UNC13C: variants seen among roughly 807,000 people sequenced by gnomAD.
UNC13C encodes unc-13 homolog C.
A neutral mutation model predicts 245.4 loss-of-function variants in UNC13C; 174 were observed. The observed-to-expected ratio is 0.71, with a 90% CI of 0.63 to 0.80. The LOEUF (loss-of-function observed/expected upper bound fraction) is 0.80. UNC13C is among the 30% of genes least tolerant of loss of function. The pLI, the probability that UNC13C is intolerant of heterozygous loss-of-function variation, is 0.00. For missense variants in UNC13C, 2,829 were observed against 2,602.9 expected (o/e 1.09, Z -1.89); for synonymous variants, 992 against 895.1 (o/e 1.11, Z -1.93).
At chr15:54,258,815 T>G (rs1195211547) in intron 8 of UNC13C, among the ~76,000 whole-genome samples, 1 of 152,208 alleles carries the variant, frequency 6.6e-6, no homozygotes, top group African/African-American at 2.4e-5. Flanking sequence ...TTCCTATCTG[T>G]TTTTCAGATG....
chr15:54,480,520 C>T (rs1160754622), intron 19 of UNC13C, among the ~76,000 whole-genome samples: 3 of 149,412 alleles, frequency 2.0e-5, no homozygotes, highest in South Asian at 2.1e-4. Context: ...TTGAAGTTCT[C>T]AATTATGTTT....
At position 54,529,697 on chromosome 15, in the gene UNC13C, A is replaced by G. The variant is rs114309054; in HGVS notation, c.5547-3220A>G. On this transcript the variant is annotated intron_variant, in intron 25 of 32. Transcript: ENST00000260323. ...AATTTATGCACTTAGATACTTCTCA[A>G]ATACTAACTGTATCATCATTGTGTG... 7.0e-3 allele frequency among the ~76,000 whole-genome samples: 1,059 copies of G among 152,324 alleles called. 20 individuals carry two copies. Among genetic ancestry groups the G allele is most frequent in the African/African-American group, 0.024 (987 of 41,572 alleles).
intron 11 of UNC13C, among the ~76,000 whole-genome samples, chr15:54,294,728 G>A (rs1046533814): frequency 2.6e-5 from 4 of 152,110 alleles, no homozygotes; most frequent in South Asian, 4.1e-4. Flanking sequence ...GCAAAGGCAC[G>A]ATCTGAAGAT....
intron 13 of UNC13C, among the ~76,000 whole-genome samples, chr15:54,313,637 T>C (rs1356894236): frequency 6.6e-6 from 1 of 151,822 alleles, no homozygotes; most frequent in East Asian, 1.9e-4. Context: ...TAAAACTGTA[T>C]AAAGCTATAA....
At chr15:53,916,433 T>C in the UNC13C span, among the ~76,000 whole-genome samples, 1 of 152,096 alleles carries the variant, frequency 6.6e-6, no homozygotes, top group Admixed American at 6.6e-5. Context: ...TTTGAATCAA[T>C]AGAGAAGGCT....
chr15:54,479,909 G>C (rs1208932377), intron 19 of UNC13C, among the ~76,000 whole-genome samples: 1 of 152,126 alleles, frequency 6.6e-6, no homozygotes, highest in Admixed American at 6.5e-5. Context: ...GATTCGAATA[G>C]TAGCTTTGCT....
chr15:54,089,738 T>C (rs904940018), intron 2 of UNC13C, among the ~76,000 whole-genome samples: 1 of 151,366 alleles, frequency 6.6e-6, no homozygotes, highest in Admixed American at 6.6e-5. Context: ...GGATTCAGAA[T>C]GGGACATTCA....
chr15:54,263,527 TA>T (rs935834462), intron 8 of UNC13C, among the ~76,000 whole-genome samples: 5 of 152,020 alleles, frequency 3.3e-5, no homozygotes, highest in African/African-American at 1.2e-4. Context: ...GTCCCAGAAA[TA>T]AAAAAAGTTT....
chr15:54,509,646 T>G (rs1894647182), intron 23 of UNC13C, among the ~76,000 whole-genome samples: 2 of 152,152 alleles, frequency 1.3e-5, no homozygotes, highest in African/African-American at 2.4e-5. Flanking sequence ...AAAAGCAATA[T>G]CCCTGAATTA....
intron 30 of UNC13C, among the ~76,000 whole-genome samples, chr15:54,599,223 G>T (rs1899263378): frequency 6.6e-6 from 1 of 152,026 alleles, no homozygotes; most frequent in African/African-American, 2.4e-5. Context: ...GGTTCAGAGA[G>T]GTTAAATAAT....
chr15:54,252,726 A>G (rs1406217606), intron 8 of UNC13C, among the ~76,000 whole-genome samples: 1 of 152,202 alleles, frequency 6.6e-6, no homozygotes, highest in African/African-American at 2.4e-5. Flanking sequence ...AAAGGAAAGA[A>G]TAAAAAGCTA....
intron 17 of UNC13C, among the ~76,000 whole-genome samples, chr15:54,378,740 T>A (rs1457921806): frequency 6.6e-6 from 1 of 151,940 alleles, no homozygotes; most frequent in Non-Finnish European, 1.5e-5. Context: ...TCTGATCCTA[T>A]GTTCAGTTAC....
intron 3 of UNC13C, 111 bp from the exon 4 acceptor site, chr15:54,143,509 A>T: frequency 1.3e-6 from 1 of 741,410 alleles, no homozygotes; most frequent in East Asian, 2.7e-5. Context: ...CATCTGTCAT[A>T]CTAGGTGTTA....
At chr15:54,228,530 C>G (rs746040647) in intron 4 of UNC13C, among the ~76,000 whole-genome samples, 1 of 152,254 alleles carries the variant, frequency 6.6e-6, no homozygotes, top group Non-Finnish European at 1.5e-5. Context: ...GGCTACGGCT[C>G]CTGATTATTC....
the UNC13C span, among the ~76,000 whole-genome samples, chr15:53,941,653 A>C: frequency 2.6e-5 from 4 of 152,296 alleles, no homozygotes; most frequent in East Asian, 7.7e-4. Context: ...AAATTTGTGT[A>C]ATCTATCCAT....
chr15:53,873,861 C>CTCTG, the UNC13C span, among the ~76,000 whole-genome samples: 1 of 98,226 alleles, frequency 1.0e-5, no homozygotes, highest in Admixed American at 1.1e-4. Flanking sequence ...ATCCCTCTCT[C>CTCTG]TCTCTCTTTC....
intron 2 of UNC13C, among the ~76,000 whole-genome samples, chr15:54,037,797 T>C (rs1329239356): frequency 6.6e-6 from 1 of 151,960 alleles, no homozygotes; most frequent in African/African-American, 2.4e-5. Context: ...CAAGTGCTGT[T>C]ATGGAGTACA....
the UNC13C span, among the ~76,000 whole-genome samples, chr15:53,864,840 G>T: frequency 1.3e-5 from 2 of 152,186 alleles, no homozygotes; most frequent in African/African-American, 2.4e-5. Flanking sequence ...AAAGGCAGTT[G>T]TTTGACTATC....
intron 4 of UNC13C, among the ~76,000 whole-genome samples, chr15:54,194,597 TTG>T (rs34804182): frequency 0.16 from 24,893 of 152,148 alleles, 2,570 homozygotes; most frequent in East Asian, 0.24. Flanking sequence ...TGAATAAACG[TTG>T]CTTCAAAGCT....
Sources: allele counts gnomAD v4.1 joint callset (sites outside exome capture counted in the v4.1 genomes callset), GRCh38; gene constraint gnomAD v4.1.1; transcripts MANE v1.5; gene names NCBI Gene and HGNC (gene_info 2026-07-23, HGNC 2026-07-21).